The following MAPK8IP3 variants were observed in gnomAD, a reference collection of about 807,000 sequenced individuals.
MAPK8IP3 encodes C-Jun-amino-terminal kinase-interacting protein 3.
Under a neutral mutation model 157.8 loss-of-function variants are expected in MAPK8IP3, and 49 were observed. That is an observed-to-expected ratio of 0.31 (90% CI 0.25 to 0.39). The LOEUF (loss-of-function observed/expected upper bound fraction) is 0.39. MAPK8IP3 is among the 10% of genes least tolerant of loss of function. The pLI, the probability that MAPK8IP3 is intolerant of heterozygous loss-of-function variation, is 1.00. For synonymous variants in MAPK8IP3, 897 were observed against 777.7 expected (o/e 1.15, Z -2.55); for missense variants, 1,478 against 1,889.4 (o/e 0.78, Z 4.04).
At chr16:1,768,170 C>G (rs753288350) in intron 29 of MAPK8IP3, 29 bp from the exon 30 acceptor site, 2 of 1,611,842 alleles carry the variant, frequency 1.2e-6, no homozygotes, top group Non-Finnish European at 1.7e-6. Flanking sequence ...TGTATGCGGG[C>G]TCAGCGCCTC....
chr16:1,767,243 G>A lies in MAPK8IP3; in HGVS notation c.3183G>A (p.Trp1061Ter). The change falls in exon 26 of 32, where the codon TGG (tryptophan) becomes TGA (stop). Residue 1061 changes from tryptophan (W) to a stop codon, truncating the protein, a stop_gained. Coordinates refer to ENST00000610761, the MANE Select transcript of MAPK8IP3 (RefSeq NM_001318852.2). LOFTEE classifies it high-confidence loss of function. ...RCMAVVYDRV[W>*]CGYKNKVHVI... ...TGGCTGTTGTGTACGACCGCGTGTG[G>A]TGTGGCTACAAGAACAAGGTGCACG... The A allele has an allele frequency of 6.2e-7, 1 of 1,613,436 alleles. No homozygotes were observed. The highest frequency in any genetic ancestry group is 8.5e-7 in the Non-Finnish European group (1 of 1,180,006).
chr16:1,768,468 C>G lies in MAPK8IP3; in HGVS notation c.3743-9C>G. ...AGGCCGCTGTCCTGAATCGCTTCTGCCATCCCAGGGAACGTGCTGGCCACC... is the reference window on the plus strand; with the variant it reads ...AGGCCGCTGTCCTGAATCGCTTCTGGCATCCCAGGGAACGTGCTGGCCACC... On this transcript the variant is annotated splice_polypyrimidine_tract_variant and intron_variant, in intron 30 of 31. Transcript: ENST00000610761. The G allele has an allele frequency of 6.3e-7, 1 of 1,575,274 alleles. No homozygotes were observed. The highest frequency in any genetic ancestry group is 1.7e-4 in the Middle Eastern group (1 of 6,028).
chr16:1,706,737 C>T lies in MAPK8IP3; in HGVS notation c.318+80C>T, dbSNP rs2142249070. The stretch of plus-strand genomic sequence containing the variant: ...CGGGCCCCGGACCCAACACCCGTCC[C>T]GACCCCAGACCCCGCTCCGGCACCC... On this transcript the variant is annotated intron_variant, in intron 1 of 31. Coordinates refer to ENST00000610761, the MANE Select transcript of MAPK8IP3 (RefSeq NM_001318852.2). The surrounding 1 kb of genome is among the most constrained non-coding windows in gnomAD (Gnocchi z 5.1). 3 of 1,397,860 alleles carry T rather than the reference C, an allele frequency of 2.1e-6. No individual in the cohort carries two copies. The highest frequency in any genetic ancestry group is 2.6e-5 in the East Asian group (1 of 38,728). 86.6% of individuals were successfully genotyped at this position (1,397,860 alleles called of 1,614,324 possible).
In MAPK8IP3 at chr16:1,724,139, C is replaced by G. The variant is rs2038712268; in HGVS notation, c.319-418C>G. On this transcript the variant is annotated intron_variant, in intron 1 of 31. Coordinates refer to ENST00000610761, the MANE Select transcript of MAPK8IP3 (RefSeq NM_001318852.2). The surrounding 1 kb of genome is among the most constrained non-coding windows in gnomAD (Gnocchi z 4.1). ...GGATCCCAGTGTAAAAATGGAAACA[C>G]AGGGCTCTATGTTCAAAAATTAGCA... 6.6e-6 allele frequency among the ~76,000 whole-genome samples: 1 copy of G among 152,218 alleles called. No individual in the cohort carries two copies. Among genetic ancestry groups the G allele is most frequent in the Non-Finnish European group, 1.5e-5 (1 of 68,036 alleles).
chr16:1,750,198 T>G (rs2041208669), intron 8 of MAPK8IP3, among the ~76,000 whole-genome samples: 1 of 150,528 alleles, frequency 6.6e-6, no homozygotes, highest in Non-Finnish European at 1.5e-5. Context: ...ATAATTCAGA[T>G]AATGTTTATT....
rs757081049 is a variant in MAPK8IP3 at position 1,767,196 on chromosome 16, C to G, written c.3136C>G (p.Pro1046Ala). 2 of 1,613,228 alleles carry G rather than the reference C, an allele frequency of 1.2e-6. No homozygotes were observed. The highest frequency in any genetic ancestry group is 1.7e-6 in the Non-Finnish European group (2 of 1,180,010). Residue 1046 changes from proline (P) to alanine (A), a missense_variant, in exon 26 of 32, where the codon CCG becomes GCG. Pro to Ala is a conservative substitution (Grantham distance 27). Around this residue, in one of 11 missense-constraint regions of MAPK8IP3, gnomAD observed 669 missense variants for 759.8 expected, o/e 0.88. Coordinates refer to ENST00000610761, the MANE Select transcript of MAPK8IP3 (RefSeq NM_001318852.2). ...CTATCACCTAATGGACCTGGGCCACCCGCACCACTCCATCCGCTGCATGGC... is the reference window on the plus strand; with the variant it reads ...CTATCACCTAATGGACCTGGGCCACGCGCACCACTCCATCCGCTGCATGGC... ...SNYHLMDLGH[P>A]HHSIRCMAVV... is the part of the protein sequence containing the mutation.
At chr16:1,716,054 T>A (rs966694694) in intron 1 of MAPK8IP3, among the ~76,000 whole-genome samples, 31 of 152,126 alleles carry the variant, frequency 2.0e-4, no homozygotes, top group Non-Finnish European at 3.2e-4. Context: ...ATTACTTTAC[T>A]CAGCAGGAAA....
rs769981954 is a variant in MAPK8IP3 at position 1,729,556 on chromosome 16, G to A, written c.580G>A (p.Glu194Lys). Reference sequence around the variant, plus strand: ...GCAGGTCGGAGGAAACAGCCAGACCGAGAGCAGCCTGCCGGGGCGGAGGTA... The same window carrying A: ...GCAGGTCGGAGGAAACAGCCAGACCAAGAGCAGCCTGCCGGGGCGGAGGTA... ...MQQVGGNSQT[E>K]SSLPGRSRKE... Residue 194 changes from glutamate to lysine, a missense_variant, in exon 4 of 32, where the codon GAG (glutamate) becomes AAG (lysine). Physicochemically the swap from Glu to Lys is moderately conservative, Grantham distance 56. Transcript: ENST00000610761. 1 of 1,609,380 alleles carries A rather than the reference G, an allele frequency of 6.2e-7. No homozygotes were observed. The highest frequency in any genetic ancestry group is 1.1e-5 in the South Asian group (1 of 90,458).
At chr16:1,746,839 C>G (rs1158519288) in intron 5 of MAPK8IP3, 190 bp from the exon 6 acceptor site, 1 of 651,128 alleles carries the variant, frequency 1.5e-6, no homozygotes, top group Non-Finnish European at 2.6e-6. Flanking sequence ...GCCGGATAAG[C>G]AGAGCCACTC....
At position 1,741,055 on chromosome 16, in the gene MAPK8IP3, C is replaced by T. The variant is rs908142315; in HGVS notation, c.603-2277C>T. On this transcript the variant is annotated intron_variant, in intron 4 of 31. Transcript: ENST00000610761. The surrounding 1 kb of genome is among the most constrained non-coding windows in gnomAD (Gnocchi z 6.9). Reference sequence around the variant, plus strand: ...GCATCAGGTGGGGCTGGTGCTGACTCGGGGGGCGACGGGCCAAGGAAGGGC... The same window carrying T: ...GCATCAGGTGGGGCTGGTGCTGACTTGGGGGGCGACGGGCCAAGGAAGGGC... Among the ~76,000 whole-genome samples, 3 of 151,922 alleles carry T rather than the reference C, an allele frequency of 2.0e-5. No homozygotes were observed. The highest frequency in any genetic ancestry group is 1.3e-4 in the Admixed American group (2 of 15,260).
chr16:1,743,929 C>T lies in MAPK8IP3; in HGVS notation c.747+453C>T, dbSNP rs1018795453. 10 of 1,009,334 alleles carry T rather than the reference C, an allele frequency of 9.9e-6. No individual in the cohort carries two copies. The African/African-American group carries it at 1.6e-4, about 16-fold the overall frequency. 62.5% of individuals were successfully genotyped at this position (1,009,334 alleles called of 1,614,324 possible). On this transcript the variant is annotated intron_variant, in intron 5 of 31. Transcript: ENST00000610761. This position sits in a 1 kb window ranked among gnomAD's most constrained non-coding sequence, Gnocchi z 5.6. ...GAGTGTGGGGTTTGCCCTCCGTTGG[C>T]AGAAAGGTGAGGAGAAAGCTCCTCT...
At chr16:1,758,888 C>T (rs1465030788) in intron 9 of MAPK8IP3, 90 bp from the exon 10 acceptor site, 2 of 1,425,484 alleles carry the variant, frequency 1.4e-6, no homozygotes, top group Non-Finnish European at 2.0e-6. Context: ...CTGCTGTCCA[C>T]ACGGGCTTAA....
In MAPK8IP3 at chr16:1,738,160, CTG is replaced by C. The variant is rs1450327344; in HGVS notation, c.603-5167_603-5166del. Among the ~76,000 whole-genome samples, 6 of 76,890 alleles carry C rather than the reference CTG, an allele frequency of 7.8e-5. 1 individual carries two copies. The highest frequency in any genetic ancestry group is 1.2e-4 in the Non-Finnish European group (5 of 41,842). The allele number at this position is 76,890 out of a possible 152,430, so 50.4% of individuals were successfully genotyped here. ...TGTGTGTGACCATCCATGTGAGCAT[CTG>C]TGTGACCGTCCGTGTGAGCGTCCGT... On this transcript the variant is annotated intron_variant, in intron 4 of 31. Coordinates refer to ENST00000610761, the MANE Select transcript of MAPK8IP3 (RefSeq NM_001318852.2).
intron 2 of MAPK8IP3, among the ~76,000 whole-genome samples, chr16:1,725,260 T>C (rs1047100591): frequency 6.6e-5 from 10 of 151,252 alleles, no homozygotes; most frequent in Admixed American, 4.6e-4. Context: ...CCAGGCGTGA[T>C]GGCATGCGCC....
chr16:1,722,136 C>T (rs1368223146), intron 1 of MAPK8IP3, among the ~76,000 whole-genome samples: 2 of 152,198 alleles, frequency 1.3e-5, no homozygotes, highest in Non-Finnish European at 2.9e-5. Flanking sequence ...TGCTAGTTAG[C>T]CACAGTTAAT....
chr16:1,712,819 T>G (rs947430245), intron 1 of MAPK8IP3, among the ~76,000 whole-genome samples: 1 of 152,228 alleles, frequency 6.6e-6, no homozygotes, highest in African/African-American at 2.4e-5. Context: ...CGCTGGTGTC[T>G]GCCTCCGCAG....
At position 1,766,783 on chromosome 16, in the gene MAPK8IP3, G is replaced by A; in HGVS notation, c.3000G>A (p.Lys1000=). 1 of 1,612,826 alleles carries A rather than the reference G, an allele frequency of 6.2e-7. No individual in the cohort carries two copies. The highest frequency in any genetic ancestry group is 8.5e-7 in the Non-Finnish European group (1 of 1,179,940). Residue 1000 remains lysine (K), a synonymous_variant, in exon 24 of 32, where the codon AAG becomes AAA. Transcript: ENST00000610761. The stretch of plus-strand genomic sequence containing the variant: ...AGTGCCTGCACTCCATCAAGCTGAA[G>A]GATTCTGTGCTGAGCCTGGTGTGGG... The part of the protein sequence containing the change: ...WKKCLHSIKL[K]DSVLSLVHVK...
chr16:1,729,574 C>CGGAGGTACGCGGGGCGCGGCGGGGT lies in MAPK8IP3; in HGVS notation c.602+21_602+45dup, dbSNP rs771839993. 44 of 1,595,758 alleles carry CGGAGGTACGCGGGGCGCGGCGGGGT rather than the reference C, an allele frequency of 2.8e-5. No homozygotes were observed. The highest frequency in any genetic ancestry group is 8.0e-5 in the African/African-American group (6 of 74,786). On this transcript the variant is annotated frameshift_variant, in exon 4 of 32. Transcript: ENST00000610761. LOFTEE classifies it high-confidence loss of function. ...CCAGACCGAGAGCAGCCTGCCGGGG[C>CGGAGGTACGCGGGGCGCGGCGGGGT]GGAGGTACGCGGGGCGCGGCGGGGT...
rs548512625 is a variant in MAPK8IP3 at position 1,743,835 on chromosome 16, C to T, written c.747+359C>T. ...CCCCACATAAAGCCTCATGCTCACC[C>T]GGGCTCCAGCCAGACACATCCTGCC... On this transcript the variant is annotated intron_variant, in intron 5 of 31. Transcript: ENST00000610761. This position sits in a 1 kb window ranked among gnomAD's most constrained non-coding sequence, Gnocchi z 5.6. 6.7e-4 allele frequency: 763 copies of T among 1,130,382 alleles called. 9 individuals are homozygous for T. The South Asian group carries it at 0.014, about 21-fold the overall frequency. 70.0% of individuals were successfully genotyped at this position (1,130,382 alleles called of 1,614,324 possible). A position where few individuals can be genotyped will look rare whatever the true frequency, so the allele number is the denominator to read the frequency against.
Sources: allele counts gnomAD v4.1 joint callset (sites outside exome capture counted in the v4.1 genomes callset), GRCh38; gene constraint gnomAD v4.1.1; regional missense constraint gnomAD v4.1.1; non-coding constraint Gnocchi (gnomAD v3.1); transcripts MANE v1.5; gene names NCBI Gene and HGNC (gene_info 2026-07-23, HGNC 2026-07-21).